CCDC91: variants seen among roughly 807,000 people sequenced by gnomAD.
CCDC91 encodes coiled-coil domain containing 91, also known as coiled-coil domain-containing protein 91.
Under a neutral mutation model 63.2 loss-of-function variants are expected in CCDC91, and 48 were observed. The observed-to-expected ratio is 0.76, with a 90% CI of 0.60 to 0.97. The LOEUF is 0.97. Ranked by LOEUF, CCDC91 falls within the 50% of genes least tolerant of loss-of-function variation. The pLI, the probability that CCDC91 is intolerant of heterozygous loss-of-function variation, is 0.00. For synonymous variants in CCDC91, 167 were observed against 165.8 expected, an observed-to-expected ratio of 1.01 and a Z score of -0.06; for missense variants, 500 against 494.6, an observed-to-expected ratio of 1.01 and a Z score of -0.10.
intron 12 of CCDC91, among the ~76,000 whole-genome samples, chr12:28,504,502 C>G (rs1938454188): frequency 6.6e-6 from 1 of 151,914 alleles, no homozygotes; most frequent in African/African-American, 2.4e-5. Flanking sequence ...ACTTCTGTCT[C>G]CACTTCCCTC....
intron 7 of CCDC91, among the ~76,000 whole-genome samples, chr12:28,378,812 A>G (rs1346823815): frequency 6.6e-6 from 1 of 152,074 alleles, no homozygotes; most frequent in African/African-American, 2.4e-5. Context: ...GTTTGGAGCT[A>G]AGGACTTGGC....
intron 6 of CCDC91, among the ~76,000 whole-genome samples, chr12:28,342,643 T>C (rs1362757186): frequency 2.6e-5 from 4 of 151,974 alleles, no homozygotes; most frequent in Admixed American, 1.3e-4. Context: ...GCCTTGAAGG[T>C]TGAAGATGGG....
intron 1 of CCDC91, among the ~76,000 whole-genome samples, chr12:28,193,983 G>C (rs887532026): frequency 6.6e-5 from 10 of 152,216 alleles, no homozygotes; most frequent in African/African-American, 2.4e-4. Flanking sequence ...CTTCGAGTCT[G>C]AGTCTGTAGT....
chr12:28,534,635 A>G (rs1942008483), intron 12 of CCDC91, among the ~76,000 whole-genome samples: 1 of 152,210 alleles, frequency 6.6e-6, no homozygotes, highest in South Asian at 2.1e-4. Context: ...GCTGATCTTA[A>G]CTAAGCAAGA....
At chr12:28,317,857 C>G (rs539541377) in intron 6 of CCDC91, among the ~76,000 whole-genome samples, 1 of 151,920 alleles carries the variant, frequency 6.6e-6, no homozygotes, top group East Asian at 2.0e-4. Context: ...TTTGCAGATA[C>G]TGATTACCAA....
chr12:28,246,485 A>G (rs1397272951), intron 1 of CCDC91, among the ~76,000 whole-genome samples: 1 of 152,138 alleles, frequency 6.6e-6, no homozygotes, highest in African/African-American at 2.4e-5. Context: ...ATTAGTACCA[A>G]TGCAAATCAC....
Position 28,219,857 on chromosome 12 carries a change from TTATC to T in CCDC91, c.-15+29218_-15+29221del, listed in dbSNP as rs1287220986. 3.3e-5 allele frequency among the ~76,000 whole-genome samples: 5 copies of T among 152,292 alleles called. No homozygotes were observed. In the Middle Eastern group the frequency reaches 0.014, roughly 414 times the overall value. The stretch of plus-strand genomic sequence containing the variant: ...TGAATATTATAGTATCTTGATTAAT[TTATC>T]TGTCATTATGAAATTTCTCCCTTTA... On this transcript the variant is annotated intron_variant, in intron 1 of 12. Transcript: ENST00000536442.
intron 12 of CCDC91, among the ~76,000 whole-genome samples, chr12:28,504,765 G>A (rs1008053319): frequency 4.0e-5 from 6 of 151,766 alleles, no homozygotes; most frequent in East Asian, 3.9e-4. Context: ...ATATTCTTAC[G>A]CATCTGTTTC....
chr12:28,256,847 G>A (rs1274457372), intron 1 of CCDC91: 1 of 192,328 alleles, frequency 5.2e-6, no homozygotes, highest in African/African-American at 2.4e-5. Context: ...TTCTTAGCTG[G>A]AGTTTGTGCT....
chr12:28,254,840 C>G (rs1415297743), intron 1 of CCDC91, among the ~76,000 whole-genome samples: 1 of 146,822 alleles, frequency 6.8e-6, no homozygotes, highest in Non-Finnish European at 1.5e-5. Flanking sequence ...GGTGCGATCT[C>G]GGCTCACTGC....
intron 12 of CCDC91, among the ~76,000 whole-genome samples, chr12:28,497,251 G>A (rs1320995837): frequency 2.0e-5 from 3 of 151,160 alleles, no homozygotes; most frequent in Non-Finnish European, 4.4e-5. Context: ...TCTTGCTATT[G>A]AACCTGTTAT....
chr12:28,218,852 T>C (rs1316705762), intron 1 of CCDC91, among the ~76,000 whole-genome samples: 1 of 152,160 alleles, frequency 6.6e-6, no homozygotes, highest in South Asian at 2.1e-4. Flanking sequence ...ATTGTATGGA[T>C]GTACCATTAT....
At chr12:28,450,642 G>A (rs1949758385) in intron 10 of CCDC91, among the ~76,000 whole-genome samples, 3 of 151,644 alleles carry the variant, frequency 2.0e-5, no homozygotes, top group Admixed American at 2.0e-4. Flanking sequence ...TAGGTTATTA[G>A]TTACTTATTA....
chr12:28,375,142 A>T (rs1206128485), intron 7 of CCDC91, among the ~76,000 whole-genome samples: 12 of 151,016 alleles, frequency 7.9e-5, no homozygotes, highest in Admixed American at 6.6e-5. Context: ...TTTTTTTTTT[A>T]AACTATTTTA....
chr12:28,335,262 A>T (rs1312416985), intron 6 of CCDC91, among the ~76,000 whole-genome samples: 1 of 125,860 alleles, frequency 7.9e-6, no homozygotes, highest in Non-Finnish European at 1.7e-5. Flanking sequence ...TAATACATAT[A>T]ATATATAATA....
chr12:28,206,235 A>G (rs184598307), intron 1 of CCDC91, among the ~76,000 whole-genome samples: 58 of 152,288 alleles, frequency 3.8e-4, no homozygotes, highest in African/African-American at 1.3e-3. Context: ...TTGTTTAAAA[A>G]AATTCCACCT....
chr12:28,257,171 C>T lies in CCDC91; in HGVS notation c.-14-31C>T, dbSNP rs201689336. On this transcript the variant is annotated intron_variant, in intron 1 of 12. Coordinates refer to ENST00000536442, the MANE Select transcript of CCDC91 (RefSeq NM_018318.5). ...TTTGACATAAATGACTGTGTGTGTG[C>T]GGGCTTGTTTCAATATCTTATATTT... is the stretch of plus-strand genomic sequence containing the variant. 426 of 1,435,688 alleles carry T rather than the reference C, an allele frequency of 3.0e-4. 3 individuals carry two copies. The highest frequency in any genetic ancestry group is 1.0e-4 in the South Asian group (9 of 86,642). The allele number at this position is 1,435,688 out of a possible 1,614,324, so 88.9% of individuals were successfully genotyped here. A position where few individuals can be genotyped will look rare whatever the true frequency, so the allele number is the denominator to read the frequency against.
At chr12:28,510,169 T>C (rs1401654658) in intron 12 of CCDC91, among the ~76,000 whole-genome samples, 1 of 151,736 alleles carries the variant, frequency 6.6e-6, no homozygotes, top group East Asian at 1.9e-4. Context: ...GAAATTATTT[T>C]CAAATAATTA....
chr12:28,286,454 G>T (rs539402144), intron 3 of CCDC91, among the ~76,000 whole-genome samples: 2 of 152,088 alleles, frequency 1.3e-5, no homozygotes, highest in Non-Finnish European at 2.9e-5. Context: ...TGAGAACATA[G>T]AGTTTTTGGC....
Sources: allele counts gnomAD v4.1 joint callset (sites outside exome capture counted in the v4.1 genomes callset), GRCh38; gene constraint gnomAD v4.1.1; transcripts MANE v1.5; gene names NCBI Gene and HGNC (gene_info 2026-07-23, HGNC 2026-07-21).